KIF16B: variants seen among roughly 807,000 people sequenced by gnomAD.
KIF16B encodes kinesin-like protein KIF16B.
A neutral mutation model predicts 156.3 loss-of-function variants in KIF16B; 98 were observed. The ratio of observed to expected loss-of-function variants is 0.63; its 90% CI spans 0.53 to 0.74. The LOEUF (loss-of-function observed/expected upper bound fraction) is 0.74. KIF16B is among the 30% of genes least tolerant of loss of function. The probability of loss-of-function intolerance (pLI) is 0.00; values close to 1 mark genes in which losing one functional copy is unlikely to be tolerated. For missense variants in KIF16B, 1,421 were observed against 1,606.5 expected, an observed-to-expected ratio of 0.88 and a Z score of 1.97; for synonymous variants, 564 against 583.7, an observed-to-expected ratio of 0.97 and a Z score of 0.49.
At chr20:16,363,373 C>T (rs2064589284) in intron 22 of KIF16B, among the ~76,000 whole-genome samples, 1 of 152,172 alleles carries the variant, frequency 6.6e-6, no homozygotes, top group South Asian at 2.1e-4. Flanking sequence ...GCATACTCTT[C>T]CCGGTACCTT....
At chr20:16,529,398 CTA>C (rs2069665288) in intron 1 of KIF16B, among the ~76,000 whole-genome samples, 1 of 152,166 alleles carries the variant, frequency 6.6e-6, no homozygotes, top group Non-Finnish European at 1.5e-5. Flanking sequence ...AAGTGAGAAA[CTA>C]TTTCAATTAC....
intron 12 of KIF16B, among the ~76,000 whole-genome samples, chr20:16,447,808 G>A (rs528038898): frequency 1.3e-4 from 20 of 152,062 alleles, no homozygotes; most frequent in East Asian, 3.9e-4. Context: ...GAGTTTTATC[G>A]ATAAAACCAT....
intron 3 of KIF16B, among the ~76,000 whole-genome samples, chr20:16,521,487 A>G (rs998090187): frequency 2.0e-5 from 3 of 152,008 alleles, no homozygotes; most frequent in Admixed American, 1.3e-4. Flanking sequence ...ATGAAAAGGA[A>G]TGAACAGAGC....
rs550485403 is a variant in KIF16B at position 16,370,660 on chromosome 20, C to T, written c.3448-24G>A. The T allele has an allele frequency of 3.8e-6, 6 of 1,568,684 alleles. No homozygotes were observed. The African/African-American group carries it at 5.6e-5, about 15-fold the overall frequency. On this transcript the variant is annotated intron_variant, in intron 21 of 25. Transcript: ENST00000354981. Reference sequence around the variant, plus strand: ...TCCTGAAAAGAAAAGAAAAAGCCCTCTATATTAAATTATAGCAAGTTCACG... The same window carrying T: ...TCCTGAAAAGAAAAGAAAAAGCCCTTTATATTAAATTATAGCAAGTTCACG...
chr20:16,486,928 G>A (rs1314177902), intron 12 of KIF16B, among the ~76,000 whole-genome samples: 1 of 152,038 alleles, frequency 6.6e-6, no homozygotes, highest in East Asian at 1.9e-4. Context: ...CTACTCCTAG[G>A]TTCAACGTTT....
intron 25 of KIF16B, among the ~76,000 whole-genome samples, chr20:16,311,121 C>T (rs961218454): frequency 1.3e-5 from 2 of 152,216 alleles, no homozygotes; most frequent in Non-Finnish European, 2.9e-5. Context: ...ACTTCACAAT[C>T]CAGAAAGGGC....
At chr20:16,447,310 AAAG>A (rs955082287) in intron 12 of KIF16B, among the ~76,000 whole-genome samples, 1 of 152,124 alleles carries the variant, frequency 6.6e-6, no homozygotes, top group Non-Finnish European at 1.5e-5. Flanking sequence ...TAAAAAAAAA[AAAG>A]TTCCTTTTTT....
At chr20:16,279,923 T>G (rs559448727) in intron 25 of KIF16B, among the ~76,000 whole-genome samples, 44 of 152,354 alleles carry the variant, frequency 2.9e-4, no homozygotes, top group African/African-American at 1.1e-3. Context: ...CAGCAAGAAT[T>G]TAGTCCATTA....
At chr20:16,572,992 C>T (rs2071510320) in intron 1 of KIF16B, among the ~76,000 whole-genome samples, 1 of 152,098 alleles carries the variant, frequency 6.6e-6, no homozygotes, top group South Asian at 2.1e-4. Flanking sequence ...CAAGTTAATA[C>T]GATGGAGAGA....
intron 12 of KIF16B, among the ~76,000 whole-genome samples, chr20:16,461,667 A>G (rs1233761743): frequency 6.6e-6 from 1 of 152,132 alleles, no homozygotes; most frequent in African/African-American, 2.4e-5. Flanking sequence ...GGCAGCCAAT[A>G]TTTTCCAGTA....
In KIF16B at chr20:16,436,741, T is replaced by C. The variant is rs532027584; in HGVS notation, c.1303-6759A>G. Reference sequence around the variant, plus strand: ...CTGCTGCAGGCTTGTATGTTTGCTATGCTTTCTATTATTTCTTCATTTATT... The same window carrying C: ...CTGCTGCAGGCTTGTATGTTTGCTACGCTTTCTATTATTTCTTCATTTATT... On this transcript the variant is annotated intron_variant, in intron 12 of 25. Transcript: ENST00000354981. 2.6e-5 allele frequency among the ~76,000 whole-genome samples: 4 copies of C among 152,374 alleles called. No homozygotes were observed. The South Asian group carries it at 8.3e-4, about 32-fold the overall frequency.
intron 12 of KIF16B, among the ~76,000 whole-genome samples, chr20:16,461,158 CAG>C (rs755242250): frequency 6.6e-6 from 1 of 151,320 alleles, no homozygotes; most frequent in Non-Finnish European, 1.5e-5. Context: ...GGCACAAACA[CAG>C]GAATAAAAAA....
intron 12 of KIF16B, among the ~76,000 whole-genome samples, chr20:16,466,436 G>A (rs376915688): frequency 6.6e-5 from 10 of 152,344 alleles, no homozygotes; most frequent in Admixed American, 2.6e-4. Flanking sequence ...CCCACGTGTC[G>A]TGGGAGGGAC....
chr20:16,530,660 C>T (rs116623076), intron 1 of KIF16B, among the ~76,000 whole-genome samples: 105 of 152,260 alleles, frequency 6.9e-4, no homozygotes, highest in African/African-American at 2.4e-3. Context: ...AGATTCCTGA[C>T]CCACAGAAAC....
intron 25 of KIF16B, among the ~76,000 whole-genome samples, chr20:16,288,098 C>A (rs1267423601): frequency 6.6e-6 from 1 of 152,214 alleles, no homozygotes; most frequent in Non-Finnish European, 1.5e-5. Flanking sequence ...TTCTTCAGCA[C>A]TGGAAGAAGC....
chr20:16,342,878 T>C (rs947564472), intron 23 of KIF16B, among the ~76,000 whole-genome samples: 1 of 152,212 alleles, frequency 6.6e-6, no homozygotes, highest in African/African-American at 2.4e-5. Context: ...GTTAAATCCT[T>C]TCCCTTGAAT....
At chr20:16,344,431 CT>C (rs2123043927) in intron 23 of KIF16B, among the ~76,000 whole-genome samples, 2 of 152,316 alleles carry the variant, frequency 1.3e-5, no homozygotes, top group South Asian at 4.1e-4. Context: ...CCCATAGGTG[CT>C]GACTCTGCCT....
chr20:16,340,677 G>T (rs2064125100), intron 23 of KIF16B, among the ~76,000 whole-genome samples: 1 of 152,182 alleles, frequency 6.6e-6, no homozygotes, highest in African/African-American at 2.4e-5. Flanking sequence ...AGCCTATGGT[G>T]TTTTCCTCTT....
intron 6 of KIF16B, among the ~76,000 whole-genome samples, chr20:16,509,676 C>T (rs2068897174): frequency 1.3e-5 from 2 of 152,140 alleles, no homozygotes; most frequent in African/African-American, 4.8e-5. Flanking sequence ...TTGAATCTGT[C>T]CTTACTGATT....
Sources: allele counts gnomAD v4.1 joint callset (sites outside exome capture counted in the v4.1 genomes callset), GRCh38; gene constraint gnomAD v4.1.1; transcripts MANE v1.5; gene names NCBI Gene and HGNC (gene_info 2026-07-23, HGNC 2026-07-21).